MAP4K4: variants seen among roughly 807,000 people sequenced by gnomAD.
MAP4K4 encodes HPK/GCK-like kinase HGK.
A neutral mutation model predicts 189.6 loss-of-function variants in MAP4K4; 38 were observed. The ratio of observed to expected loss-of-function variants is 0.20; its 90% CI spans 0.15 to 0.26. MAP4K4 has a LOEUF of 0.26. Ranked by LOEUF, MAP4K4 falls within the 10% of genes least tolerant of loss-of-function variation. The probability of loss-of-function intolerance (pLI) is 1.00; values close to 1 mark genes in which losing one functional copy is unlikely to be tolerated. For missense variants in MAP4K4, 1,054 were observed against 1,726.9 expected (o/e 0.61, Z 6.91); for synonymous variants, 610 against 624.3 (o/e 0.98, Z 0.34).
Position 101,889,035 on chromosome 2 carries a change from A to T in MAP4K4, c.4071+100A>T, listed in dbSNP as rs1016923214. On this transcript the variant is annotated intron_variant, in intron 32 of 32. Transcript: ENST00000324219. The stretch of plus-strand genomic sequence containing the variant: ...ATTAATTTCCTTGGAGTTTTGATAA[A>T]AATAATCAAGGAACTTTTTAAACGT... 11 of 1,150,600 alleles carry T rather than the reference A, an allele frequency of 9.6e-6. No homozygotes were observed. The African/African-American group carries it at 1.7e-4, about 18-fold the overall frequency. 71.3% of individuals were successfully genotyped at this position (1,150,600 alleles called of 1,614,324 possible).
intron 18 of MAP4K4, among the ~76,000 whole-genome samples, chr2:101,865,932 A>G (rs1348635672): frequency 6.6e-6 from 1 of 152,174 alleles, no homozygotes; most frequent in Non-Finnish European, 1.5e-5. Context: ...CTTTGGGTCC[A>G]TCCATGGCAG....
chr2:101,741,359 G>T (rs552005537), intron 2 of MAP4K4, among the ~76,000 whole-genome samples: 1 of 151,742 alleles, frequency 6.6e-6, no homozygotes, highest in Middle Eastern at 3.2e-3. Context: ...TAGTAGAGAC[G>T]GGGTTTCACC....
intron 31 of MAP4K4, among the ~76,000 whole-genome samples, chr2:101,888,482 C>G (rs955567217): frequency 6.6e-6 from 1 of 152,040 alleles, no homozygotes; most frequent in Non-Finnish European, 1.5e-5. Context: ...TCTTCCCTGC[C>G]GTCTCTCATG....
intron 2 of MAP4K4, among the ~76,000 whole-genome samples, chr2:101,747,777 A>G (rs2066411742): frequency 6.6e-6 from 1 of 152,204 alleles, no homozygotes; most frequent in Non-Finnish European, 1.5e-5. Flanking sequence ...GATCCCAAAT[A>G]TCATTTTAAT....
intron 12 of MAP4K4, among the ~76,000 whole-genome samples, chr2:101,848,299 T>G (rs189418266): frequency 6.6e-6 from 1 of 152,230 alleles, no homozygotes; most frequent in African/African-American, 2.4e-5. Flanking sequence ...ACAGATGCAG[T>G]GCTTTCAAAT....
intron 2 of MAP4K4, among the ~76,000 whole-genome samples, chr2:101,758,707 A>G (rs2074199374): frequency 6.6e-6 from 1 of 152,212 alleles, no homozygotes; most frequent in Non-Finnish European, 1.5e-5. Flanking sequence ...GTCTAAAGAA[A>G]GGAAAGAAAA....
At chr2:101,708,346 A>G (rs932804683) in intron 2 of MAP4K4, among the ~76,000 whole-genome samples, 1 of 152,248 alleles carries the variant, frequency 6.6e-6, no homozygotes, top group South Asian at 2.1e-4. Flanking sequence ...AACAATACCA[A>G]TGAAACAATA....
At chr2:101,701,711 C>G (rs1174686715) in intron 2 of MAP4K4, among the ~76,000 whole-genome samples, 1 of 152,094 alleles carries the variant, frequency 6.6e-6, no homozygotes, top group Non-Finnish European at 1.5e-5. Flanking sequence ...GACGGATACT[C>G]ATAAACTTAA....
chr2:101,740,151 C>CTTTTT lies in MAP4K4; in HGVS notation c.123+41629_123+41633dup, dbSNP rs71250687. Among the ~76,000 whole-genome samples the CTTTTT allele has an allele frequency of 3.6e-3, 316 of 87,160 alleles. 7 individuals are homozygous for CTTTTT. The highest frequency in any genetic ancestry group is 4.6e-3 in the East Asian group (15 of 3,226). The allele number at this position is 87,160 out of a possible 152,430, so 57.2% of individuals were successfully genotyped here. ...TGGCTTCAAAGTTGCTTTATATCAT[C>CTTTTT]TTTTTTTTTTTTTTTTTTTTGAGAC... On this transcript the variant is annotated intron_variant, in intron 2 of 32. Transcript: ENST00000324219.
At chr2:101,810,494 T>C (rs1451245755) in intron 3 of MAP4K4, among the ~76,000 whole-genome samples, 4 of 152,286 alleles carry the variant, frequency 2.6e-5, no homozygotes, top group African/African-American at 4.8e-5. Context: ...TTTTATAATA[T>C]CTGAAAAAAT....
At chr2:101,711,616 ATGT>A (rs2045598584) in intron 2 of MAP4K4, among the ~76,000 whole-genome samples, 2 of 152,154 alleles carry the variant, frequency 1.3e-5, no homozygotes, top group African/African-American at 4.8e-5. Flanking sequence ...AGGTAAAATG[ATGT>A]TGTGGTTTTT....
intron 16 of MAP4K4, among the ~76,000 whole-genome samples, chr2:101,862,451 T>A (rs1030362388): frequency 5.3e-5 from 8 of 151,788 alleles, no homozygotes; most frequent in Non-Finnish European, 1.2e-4. Flanking sequence ...GAAGAGAGAC[T>A]ACTAGAATAG....
intron 3 of MAP4K4, among the ~76,000 whole-genome samples, chr2:101,815,188 T>A (rs1294871854): frequency 6.6e-6 from 1 of 152,252 alleles, no homozygotes; most frequent in Non-Finnish European, 1.5e-5. Context: ...TATGCGTGAC[T>A]TAATTTTTTT....
intron 2 of MAP4K4, among the ~76,000 whole-genome samples, chr2:101,787,465 A>C (rs181702962): frequency 4.8e-4 from 73 of 152,292 alleles, no homozygotes; most frequent in Non-Finnish European, 7.3e-5. Context: ...TCGTAGCTAA[A>C]GAGATGCCAG....
intron 2 of MAP4K4, among the ~76,000 whole-genome samples, chr2:101,733,813 C>T (rs1042845091): frequency 3.3e-5 from 5 of 152,186 alleles, no homozygotes; most frequent in African/African-American, 1.2e-4. Context: ...GTGTCAGGTC[C>T]CGTTACAGGA....
At position 101,698,354 on chromosome 2, in the gene MAP4K4, A is replaced by T. The variant is rs1049682738; in HGVS notation, c.58-119A>T. ...CCGCGCGACCCCCGGGCGCTGGGGG[A>T]CCGCGCGGGGCGAAGCCCACCTCTT... On this transcript the variant is annotated intron_variant, in intron 1 of 32. Coordinates refer to ENST00000324219, the Ensembl canonical transcript of MAP4K4. 10 of 787,570 alleles carry T rather than the reference A, an allele frequency of 1.3e-5. No homozygotes were observed. In the African/African-American group the frequency reaches 1.6e-4, roughly 13 times the overall value. 48.8% of individuals were successfully genotyped at this position (787,570 alleles called of 1,614,324 possible). A position where few individuals can be genotyped will look rare whatever the true frequency, so the allele number is the denominator to read the frequency against.
At chr2:101,830,782 T>C (rs2096572227) in intron 6 of MAP4K4, among the ~76,000 whole-genome samples, 1 of 152,202 alleles carries the variant, frequency 6.6e-6, no homozygotes, top group African/African-American at 2.4e-5. Context: ...TTGGTTACCA[T>C]TGCCTTCCAA....
At chr2:101,862,957 T>C (rs2097709778) in intron 16 of MAP4K4, among the ~76,000 whole-genome samples, 1 of 152,250 alleles carries the variant, frequency 6.6e-6, no homozygotes, top group African/African-American at 2.4e-5. Flanking sequence ...ATTTTTTCAG[T>C]TGCCATATTG....
At chr2:101,857,316 A>G (rs2097503590) in intron 13 of MAP4K4, among the ~76,000 whole-genome samples, 1 of 152,126 alleles carries the variant, frequency 6.6e-6, no homozygotes, top group African/African-American at 2.4e-5. Flanking sequence ...TCCCATGTTA[A>G]CAGTGCTGTA....
Sources: gnomAD v4.1 joint callset for allele counts (sites outside exome capture counted in the v4.1 genomes callset) on GRCh38, gnomAD v4.1.1 for gene constraint, MANE v1.5 for transcripts, NCBI Gene and HGNC (gene_info 2026-07-23, HGNC 2026-07-21) for gene names.